GNB4: variants seen among roughly 807,000 people sequenced by gnomAD.
The protein encoded by GNB4 is guanine nucleotide-binding protein subunit beta-4.
A neutral mutation model predicts 45.2 loss-of-function variants in GNB4; 28 were observed. That is an observed-to-expected ratio of 0.62 (90% CI 0.46 to 0.85). The LOEUF (loss-of-function observed/expected upper bound fraction) is 0.85, where lower values mean the gene tolerates loss of function less well. Ranked by LOEUF, GNB4 falls within the 40% of genes least tolerant of loss-of-function variation. GNB4 has a pLI of 0.00. For missense variants in GNB4, 321 were observed against 425.4 expected, an observed-to-expected ratio of 0.75 and a Z score of 2.16; for synonymous variants, 132 against 143.7, an observed-to-expected ratio of 0.92 and a Z score of 0.58.
chr3:179,480,912 C>T, the GNB4 span, among the ~76,000 whole-genome samples: 14 of 142,166 alleles, frequency 9.8e-5, no homozygotes, highest in African/African-American at 3.4e-4. Flanking sequence ...AGTGCAGTGG[C>T]GCGATCTCGG....
At chr3:179,419,248 T>G (rs1714903216) in intron 4 of GNB4, 151 bp downstream of exon 4, 3 of 641,976 alleles carry the variant, frequency 4.7e-6, no homozygotes, top group Non-Finnish European at 8.3e-6. Context: ...ATTAATATTC[T>G]TATTGAAAGC....
intron 2 of GNB4, among the ~76,000 whole-genome samples, chr3:179,424,366 G>A (rs1015375879): frequency 2.6e-5 from 4 of 152,308 alleles, no homozygotes; most frequent in Non-Finnish European, 4.4e-5. Context: ...ATGAGTCTGC[G>A]AAGCCTTCTG....
At chr3:179,441,797 C>T (rs577214828) in intron 1 of GNB4, among the ~76,000 whole-genome samples, 13 of 151,658 alleles carry the variant, frequency 8.6e-5, no homozygotes, top group Admixed American at 3.9e-4. Flanking sequence ...ATACAGTCAA[C>T]TCACTGACTG....
chr3:179,437,653 G>A (rs759757460), intron 1 of GNB4: 1 of 151,982 alleles, frequency 6.6e-6, no homozygotes, highest in Non-Finnish European at 1.5e-5. Context: ...GTCATATAAG[G>A]TTTTGCCACT....
chr3:179,473,377 C>A, the GNB4 span, among the ~76,000 whole-genome samples: 1 of 151,870 alleles, frequency 6.6e-6, no homozygotes, highest in South Asian at 2.1e-4. Context: ...TACCCTTCAC[C>A]CAATTTCCTC....
At chr3:179,467,039 G>A in the GNB4 span, among the ~76,000 whole-genome samples, 1 of 152,086 alleles carries the variant, frequency 6.6e-6, no homozygotes, top group Non-Finnish European at 1.5e-5. Context: ...TATAAGACAT[G>A]GGTTCCAGCT....
intron 1 of GNB4, among the ~76,000 whole-genome samples, chr3:179,447,654 G>C (rs995608937): frequency 1.8e-4 from 28 of 152,218 alleles, no homozygotes; most frequent in African/African-American, 6.8e-4. Context: ...GGCTCCTGCA[G>C]TCATCCAGGC....
At chr3:179,486,557 T>A in the GNB4 span, among the ~76,000 whole-genome samples, 23 of 152,302 alleles carry the variant, frequency 1.5e-4, no homozygotes, top group African/African-American at 5.3e-4. Flanking sequence ...CTGACATCTC[T>A]TATAGTAAAC....
chr3:179,498,674 C>T, the GNB4 span, among the ~76,000 whole-genome samples: 5 of 151,164 alleles, frequency 3.3e-5, no homozygotes, highest in South Asian at 1.0e-3. Context: ...AGCTCATGGT[C>T]TGCCTGCCTT....
intron 9 of GNB4, among the ~76,000 whole-genome samples, chr3:179,403,074 A>C (rs1378986089): frequency 6.6e-6 from 1 of 152,142 alleles, no homozygotes; most frequent in Non-Finnish European, 1.5e-5. Flanking sequence ...CAGTTTATAC[A>C]CTTCATGGAG....
chr3:179,404,476 A>C (rs1361376974), intron 9 of GNB4, among the ~76,000 whole-genome samples: 2 of 152,160 alleles, frequency 1.3e-5, no homozygotes, highest in African/African-American at 4.8e-5. Context: ...CCAGAGGCTG[A>C]GGCGGGAAGA....
intron 1 of GNB4, among the ~76,000 whole-genome samples, chr3:179,439,821 C>T (rs1399983469): frequency 6.6e-6 from 1 of 152,194 alleles, no homozygotes; most frequent in Non-Finnish European, 1.5e-5. Context: ...TCAAAATCAT[C>T]TTCAGAGAAA....
intron 1 of GNB4, among the ~76,000 whole-genome samples, chr3:179,430,329 T>TC (rs1223373162): frequency 1.3e-5 from 2 of 152,022 alleles, no homozygotes; most frequent in African/African-American, 2.4e-5. Context: ...GCTCAAGCGA[T>TC]CCCCCCCACC....
chr3:179,469,383 T>C, the GNB4 span, among the ~76,000 whole-genome samples: 2 of 152,128 alleles, frequency 1.3e-5, no homozygotes, highest in Admixed American at 6.5e-5. Context: ...AAAAATGAGA[T>C]AAATCACATA....
rs371094094 is a variant in GNB4 at position 179,398,157 on chromosome 3, T to C, written c.*3056A>G. ...TCTCAAAAAACTACTCTTCTTGACA[T>C]GCTACAGAGTCAACAAATTAACCTT... On this transcript the variant is annotated 3_prime_UTR_variant, in exon 10 of 10. Coordinates refer to ENST00000232564, the MANE Select transcript of GNB4 (RefSeq NM_021629.4). 3 of 152,304 alleles carry C rather than the reference T, an allele frequency of 2.0e-5. No individual in the cohort carries two copies. Among genetic ancestry groups the C allele is most frequent in the East Asian group, 3.9e-4 (2 of 5,182 alleles). The allele number at this position is 152,304 out of a possible 1,614,324, so 9.4% of individuals were successfully genotyped here. A position where few individuals can be genotyped will look rare whatever the true frequency, so the allele number is the denominator to read the frequency against.
At chr3:179,412,490 A>G (rs1314614084) in intron 8 of GNB4, among the ~76,000 whole-genome samples, 1 of 152,054 alleles carries the variant, frequency 6.6e-6, no homozygotes, top group Non-Finnish European at 1.5e-5. Context: ...AATAATAATA[A>G]TAATAATTTA....
chr3:179,462,151 T>C, the GNB4 span, among the ~76,000 whole-genome samples: 2 of 148,226 alleles, frequency 1.3e-5, no homozygotes, highest in Non-Finnish European at 3.0e-5. Context: ...GATTTTCCTT[T>C]GTGTATGTCT....
Position 179,399,877 on chromosome 3 carries a change from A to G in GNB4, c.*1336T>C, listed in dbSNP as rs1294092356. 2 of 152,240 alleles carry G rather than the reference A, an allele frequency of 1.3e-5. No individual in the cohort carries two copies. The highest frequency in any genetic ancestry group is 2.9e-5 in the Non-Finnish European group (2 of 68,044). 9.4% of individuals were successfully genotyped at this position (152,240 alleles called of 1,614,324 possible). The stretch of plus-strand genomic sequence containing the variant: ...TTATCAGTCATTTAGACTTATTTGT[A>G]AAAGAGAATCCAACAGGAAAAGTAT... On this transcript the variant is annotated 3_prime_UTR_variant, in exon 10 of 10. Coordinates refer to ENST00000232564, the MANE Select transcript of GNB4 (RefSeq NM_021629.4).
At chr3:179,515,595 A>C in the GNB4 span, among the ~76,000 whole-genome samples, 2 of 152,146 alleles carry the variant, frequency 1.3e-5, no homozygotes, top group Non-Finnish European at 2.9e-5. Flanking sequence ...AGCCATTTCT[A>C]CTTCTTTTGT....
Sources: allele counts gnomAD v4.1 joint callset (sites outside exome capture counted in the v4.1 genomes callset), GRCh38; gene constraint gnomAD v4.1.1; transcripts MANE v1.5; gene names NCBI Gene and HGNC (gene_info 2026-07-23, HGNC 2026-07-21).